Variants in GABRB1 observed in about 807,000 individuals in gnomAD.
GABRB1 encodes gamma-aminobutyric acid type A receptor subunit beta1.
GABRB1 carries 17 observed loss-of-function variants against 51.6 expected under a neutral mutation model. The observed-to-expected ratio is 0.33, with a 90% CI of 0.23 to 0.49. The LOEUF (loss-of-function observed/expected upper bound fraction) is 0.49. GABRB1 is among the 20% of genes least tolerant of loss of function. GABRB1 has a pLI of 0.99. For synonymous variants in GABRB1, 247 were observed against 218.9 expected, an observed-to-expected ratio of 1.13 and a Z score of -1.14; for missense variants, 410 against 600.6, an observed-to-expected ratio of 0.68 and a Z score of 3.32.
chr4:47,327,763 AG>A (rs1330210457), intron 5 of GABRB1, among the ~76,000 whole-genome samples: 1 of 152,244 alleles, frequency 6.6e-6, no homozygotes, highest in East Asian at 1.9e-4. Context: ...CAGAATGTAA[AG>A]CAATAGTCAT....
chr4:47,242,418 G>T (rs1431391229), intron 4 of GABRB1, among the ~76,000 whole-genome samples: 1 of 152,106 alleles, frequency 6.6e-6, no homozygotes, highest in African/African-American at 2.4e-5. Context: ...GGGATGGCTG[G>T]GTCAAATGGT....
At chr4:47,092,320 ACAC>A (rs1728343154) in intron 3 of GABRB1, among the ~76,000 whole-genome samples, 2 of 150,252 alleles carry the variant, frequency 1.3e-5, no homozygotes, top group Admixed American at 1.3e-4. Flanking sequence ...TTACAGGCAC[ACAC>A]CACCACGCCT....
chr4:47,289,935 G>T (rs1723660275), intron 4 of GABRB1, among the ~76,000 whole-genome samples: 1 of 152,184 alleles, frequency 6.6e-6, no homozygotes, highest in African/African-American at 2.4e-5. Context: ...CTTCTAAGTT[G>T]TGCCAAGAGT....
At chr4:47,080,574 T>A (rs1054648839) in intron 3 of GABRB1, among the ~76,000 whole-genome samples, 3 of 152,020 alleles carry the variant, frequency 2.0e-5, no homozygotes, top group African/African-American at 4.8e-5. Context: ...TTAAAAAAAA[T>A]TACTTTATTA....
At chr4:47,308,859 T>C (rs575225792) in intron 4 of GABRB1, among the ~76,000 whole-genome samples, 18 of 152,248 alleles carry the variant, frequency 1.2e-4, no homozygotes, top group African/African-American at 4.3e-4. Flanking sequence ...GGGCTTGCTA[T>C]TGTTTTAAAT....
intron 1 of GABRB1, among the ~76,000 whole-genome samples, chr4:47,024,271 T>A (rs1725017832): frequency 6.6e-6 from 1 of 151,976 alleles, no homozygotes; most frequent in Non-Finnish European, 1.5e-5. Flanking sequence ...CTATACTTCA[T>A]GATATTGATT....
chr4:47,239,391 C>T (rs900531297), intron 4 of GABRB1, among the ~76,000 whole-genome samples: 1 of 151,768 alleles, frequency 6.6e-6, no homozygotes, highest in African/African-American at 2.4e-5. Context: ...GGGTTATTTC[C>T]AGGTTTTGGT....
intron 4 of GABRB1, among the ~76,000 whole-genome samples, chr4:47,183,362 A>G (rs1182585869): frequency 1.4e-5 from 2 of 146,236 alleles, no homozygotes; most frequent in Non-Finnish European, 1.5e-5. Context: ...ATATATATAT[A>G]TATATATATA....
At chr4:47,296,050 G>T (rs912933166) in intron 4 of GABRB1, among the ~76,000 whole-genome samples, 6 of 152,054 alleles carry the variant, frequency 3.9e-5, no homozygotes, top group Admixed American at 6.5e-5. Flanking sequence ...TTACAGACAA[G>T]CAAATGCTGA....
intron 3 of GABRB1, among the ~76,000 whole-genome samples, chr4:47,139,087 C>A (rs1716802361): frequency 6.6e-6 from 1 of 151,974 alleles, no homozygotes; most frequent in South Asian, 2.1e-4. Context: ...TGTTTCTCTA[C>A]CAAGTATAGA....
At chr4:47,090,518 T>TG (rs1728248676) in intron 3 of GABRB1, among the ~76,000 whole-genome samples, 1 of 152,162 alleles carries the variant, frequency 6.6e-6, no homozygotes, top group South Asian at 2.1e-4. Context: ...GATAAATCAT[T>TG]GGGGCACTGG....
At chr4:47,395,188 C>A (rs753380150) in intron 5 of GABRB1, among the ~76,000 whole-genome samples, 3 of 152,128 alleles carry the variant, frequency 2.0e-5, no homozygotes, top group Non-Finnish European at 4.4e-5. Flanking sequence ...AAAGAACTAC[C>A]TGAGAGTAGG....
chr4:47,321,752 T>G (rs750374212), intron 5 of GABRB1, among the ~76,000 whole-genome samples: 5 of 126,776 alleles, frequency 3.9e-5, no homozygotes, highest in African/African-American at 6.2e-5. Context: ...TTGTTACCCT[T>G]GAGCACTCTT....
intron 4 of GABRB1, among the ~76,000 whole-genome samples, chr4:47,260,687 A>G (rs910563183): frequency 2.6e-5 from 4 of 152,148 alleles, no homozygotes; most frequent in South Asian, 2.1e-4. Context: ...AGTTTCTGCC[A>G]AGAGATCCGC....
At chr4:47,164,974 T>C (rs1718111030) in intron 4 of GABRB1, among the ~76,000 whole-genome samples, 2 of 152,044 alleles carry the variant, frequency 1.3e-5, no homozygotes, top group Admixed American at 1.3e-4. Context: ...CAGTAACCTC[T>C]AGTAATTCCT....
intron 3 of GABRB1, among the ~76,000 whole-genome samples, chr4:47,077,899 G>GTATTTTATATACATTATA (rs1560523537): frequency 8.0e-6 from 1 of 125,122 alleles, no homozygotes; most frequent in East Asian, 2.2e-4. Flanking sequence ...TATATTATAT[G>GTATTTTATATACATTATA]TATTTTATAT....
At chr4:47,123,927 A>T (rs1376951269) in intron 3 of GABRB1, among the ~76,000 whole-genome samples, 5 of 109,826 alleles carry the variant, frequency 4.6e-5, no homozygotes, top group South Asian at 2.4e-4. Flanking sequence ...TATGATATAT[A>T]ATATATTATA....
chr4:47,316,425 C>A (rs1389030883), intron 4 of GABRB1, among the ~76,000 whole-genome samples: 1 of 151,918 alleles, frequency 6.6e-6, no homozygotes, highest in Non-Finnish European at 1.5e-5. Context: ...ATTTTTATGG[C>A]TGACTAATAT....
intron 5 of GABRB1, among the ~76,000 whole-genome samples, chr4:47,329,589 C>CTATT (rs1725393629): frequency 6.7e-6 from 1 of 148,168 alleles, no homozygotes; most frequent in Non-Finnish European, 1.5e-5. Context: ...GTTACCAATA[C>CTATT]TATTCCCTCT....
Sources: allele counts gnomAD v4.1 joint callset (sites outside exome capture counted in the v4.1 genomes callset), GRCh38; gene constraint gnomAD v4.1.1; transcripts MANE v1.5; gene names NCBI Gene and HGNC (gene_info 2026-07-23, HGNC 2026-07-21).